RNF20: variants seen among roughly 807,000 people sequenced by gnomAD.
RNF20 encodes ring finger protein 20, also known as E3 ubiquitin-protein ligase BRE1A.
In RNF20, 84 loss-of-function variants were observed where a neutral mutation model predicts 126.2. The ratio of observed to expected loss-of-function variants is 0.67; its 90% CI spans 0.56 to 0.80. RNF20 has a LOEUF of 0.80. Ranked by LOEUF, RNF20 falls within the 30% of genes least tolerant of loss-of-function variation. RNF20 has a pLI of 0.00. For synonymous variants in RNF20, 400 were observed against 414.3 expected, an observed-to-expected ratio of 0.97 and a Z score of 0.42; for missense variants, 869 against 1,188.2, an observed-to-expected ratio of 0.73 and a Z score of 3.95.
At chr9:101,544,981 A>G in intron 6 of RNF20, 96 bp downstream of exon 6, 1 of 777,990 alleles carries the variant, frequency 1.3e-6, no homozygotes, top group Non-Finnish European at 2.3e-6. Context: ...TTACTCTAGA[A>G]GGCCTATCAT....
rs777166784 is a variant in RNF20 at position 101,561,090 on chromosome 9, G to A, written c.2509G>A (p.Ala837Thr). 1 of 1,613,466 alleles carries A rather than the reference G, an allele frequency of 6.2e-7. No homozygotes were observed. Residue 837 changes from alanine to threonine, a missense_variant and splice_region_variant, in exon 18 of 20, where the codon GCA becomes ACA. Coordinates refer to ENST00000389120, the MANE Select transcript of RNF20 (RefSeq NM_019592.7). Reference sequence around the variant, plus strand: ...TCACTTATTTGTACATCCTACATAGGCAATGGAGGCAGCCCAGCTTGCAGA... The same window carrying A: ...TCACTTATTTGTACATCCTACATAGACAATGGAGGCAGCCCAGCTTGCAGA... ...TQALEMNKRK[A>T]MEAAQLADDL...
chr9:101,543,962 A>G (rs1382913107), intron 5 of RNF20, among the ~76,000 whole-genome samples: 1 of 152,160 alleles, frequency 6.6e-6, no homozygotes, highest in Non-Finnish European at 1.5e-5. Context: ...CATGAAAACC[A>G]CCATATGACC....
intron 6 of RNF20, among the ~76,000 whole-genome samples, chr9:101,545,089 G>A (rs145261300): frequency 2.5e-3 from 382 of 152,288 alleles, no homozygotes; most frequent in Middle Eastern, 0.01. Context: ...GAGGAATGGC[G>A]TGGTAGAAAT....
intron 13 of RNF20, among the ~76,000 whole-genome samples, chr9:101,553,729 A>G (rs2118722199): frequency 6.6e-6 from 1 of 152,342 alleles, no homozygotes; most frequent in African/African-American, 2.4e-5. Flanking sequence ...TATAACAAGT[A>G]CACAAATGTC....
At chr9:101,553,801 T>C (rs1827486720) in intron 13 of RNF20, among the ~76,000 whole-genome samples, 187 bp from the exon 14 acceptor site, 1 of 152,244 alleles carries the variant, frequency 6.6e-6, no homozygotes, top group Admixed American at 6.5e-5. Flanking sequence ...TACAGCTTAC[T>C]TTTCTGTACT....
intron 6 of RNF20, 107 bp downstream of exon 6, chr9:101,544,992 A>G (rs1176635254): frequency 7.0e-6 from 5 of 713,488 alleles, no homozygotes; most frequent in African/African-American, 1.8e-5. Context: ...GGCCTATCAT[A>G]TCATAGGGGA....
At chr9:101,550,568 T>G in intron 9 of RNF20, 38 bp from the exon 10 acceptor site, 1 of 1,589,476 alleles carries the variant, frequency 6.3e-7, no homozygotes. Flanking sequence ...GGGGCAATGC[T>G]AGATTCTGCT....
At chr9:101,534,373 AC>A (rs1564105254) in intron 1 of RNF20, 2 of 152,186 alleles carry the variant, frequency 1.3e-5, no homozygotes, top group African/African-American at 4.8e-5. Context: ...TGGCGAATTC[AC>A]TGTTTCAAAG....
In RNF20 at chr9:101,546,950, C is replaced by T; in HGVS notation, c.878C>T (p.Ala293Val). 3 of 1,614,078 alleles carry T rather than the reference C, an allele frequency of 1.9e-6. No individual in the cohort carries two copies. Among genetic ancestry groups the T allele is most frequent in the Non-Finnish European group, 2.5e-6 (3 of 1,179,998 alleles). The change falls in exon 7 of 20, where the codon GCA becomes GTA. Residue 293 changes from alanine (A) to valine (V), a missense_variant. Physicochemically the swap from Ala to Val is moderately conservative, Grantham distance 64. Transcript: ENST00000389120. ...KREQRLNRHL[A>V]EVLERVNSKG... is the part of the protein sequence containing the mutation. ...GAACAGCGACTCAACCGACACTTAG[C>T]AGAAGTCCTAGAACGGGTCAGTGCT... is the stretch of plus-strand genomic sequence containing the variant.
chr9:101,538,350 T>C (rs775512640), intron 2 of RNF20, among the ~76,000 whole-genome samples: 11 of 152,020 alleles, frequency 7.2e-5, no homozygotes, highest in Non-Finnish European at 1.5e-4. Flanking sequence ...AGAGTGATAA[T>C]AAGGTAGGTG....
intron 2 of RNF20, among the ~76,000 whole-genome samples, chr9:101,537,032 G>C (rs563904218): frequency 6.6e-6 from 1 of 152,310 alleles, no homozygotes; most frequent in African/African-American, 2.4e-5. Flanking sequence ...AGTCCCTCCT[G>C]TGCATTTTGA....
Position 101,552,393 on chromosome 9 carries a change from G to A in RNF20, c.1541G>A (p.Arg514His), listed in dbSNP as rs201929039. ...AQSDLNKTRL[R>H]SGSALLQSQS... ...TCTTTATTCTCCCAGACACGCCTGC[G>A]TAGTGGTAGTGCCCTCCTGCAGTCC... The change falls in exon 13 of 20, where the codon CGT (arginine) becomes CAT (histidine). Residue 514 changes from arginine to histidine, a missense_variant. Coordinates refer to ENST00000389120, the MANE Select transcript of RNF20 (RefSeq NM_019592.7). 126 of 1,605,536 alleles carry A rather than the reference G, an allele frequency of 7.8e-5. No homozygotes were observed. The highest frequency in any genetic ancestry group is 3.2e-4 in the African/African-American group (24 of 74,724).
chr9:101,547,022 A>C, intron 7 of RNF20, 56 bp downstream of exon 7: 1 of 1,609,052 alleles, frequency 6.2e-7, no homozygotes, highest in Non-Finnish European at 8.5e-7. Flanking sequence ...TGTTCTCAGG[A>C]AGACTCACCT....
chr9:101,562,121 T>C (rs908810459), intron 19 of RNF20, 110 bp downstream of exon 19: 5 of 1,302,996 alleles, frequency 3.8e-6, no homozygotes, highest in African/African-American at 1.5e-5. Flanking sequence ...ATTTTGGAGG[T>C]TGGGGGGAAA....
chr9:101,550,524 G>C (rs1588221796), intron 9 of RNF20, 82 bp from the exon 10 acceptor site: 1 of 1,152,652 alleles, frequency 8.7e-7, no homozygotes, highest in Non-Finnish European at 1.3e-6. Flanking sequence ...TAGGACATCA[G>C]TGAGTTCAAA....
chr9:101,552,227 C>T lies in RNF20; in HGVS notation c.1495C>T (p.Arg499Trp), dbSNP rs1347638398. The change falls in exon 12 of 20, where the codon CGG becomes TGG. Residue 499 changes from arginine (R) to tryptophan (W), a missense_variant. Coordinates refer to ENST00000389120, the MANE Select transcript of RNF20 (RefSeq NM_019592.7). Reference protein sequence around the residue: ...QLKGEVLRYKRKLREAQSDLN... With the variant: ...QLKGEVLRYKWKLREAQSDLN... ...GAAAGGGGAGGTCCTGAGATATAAGCGGAAATTGAGAGAAGCCCAGTCTGA... is the reference window on the plus strand; with the variant it reads ...GAAAGGGGAGGTCCTGAGATATAAGTGGAAATTGAGAGAAGCCCAGTCTGA... The T allele has an allele frequency of 9.3e-6, 15 of 1,614,006 alleles. No homozygotes were observed. Among genetic ancestry groups the T allele is most frequent in the Non-Finnish European group, 1.2e-5 (14 of 1,180,016 alleles).
intron 13 of RNF20, 43 bp downstream of exon 13, chr9:101,552,796 A>T (rs745420268): frequency 5.9e-6 from 9 of 1,529,746 alleles, no homozygotes; most frequent in Non-Finnish European, 7.9e-6. Flanking sequence ...TGAAAAGCTA[A>T]GATTAAGACA....
intron 2 of RNF20, among the ~76,000 whole-genome samples, chr9:101,539,570 G>A (rs902020514): frequency 2.0e-5 from 3 of 152,170 alleles, no homozygotes; most frequent in African/African-American, 7.2e-5. Context: ...TGGGTTAAGG[G>A]CATGAGATAC....
chr9:101,562,221 A>C, intron 19 of RNF20, 25 bp from the exon 20 acceptor site: 1 of 1,601,222 alleles, frequency 6.2e-7, no homozygotes, highest in South Asian at 1.1e-5. Flanking sequence ...ATGGTTGTTC[A>C]AACTCTGACA....
Sources: allele counts gnomAD v4.1 joint callset (sites outside exome capture counted in the v4.1 genomes callset), GRCh38; gene constraint gnomAD v4.1.1; transcripts MANE v1.5; gene names NCBI Gene and HGNC (gene_info 2026-07-23, HGNC 2026-07-21).